MROH9: variants seen among roughly 807,000 people sequenced by gnomAD.
MROH9 encodes the protein maestro heat like repeat family member 9, also known as maestro heat-like repeat-containing protein family member 9.
Under a neutral mutation model 98.2 loss-of-function variants are expected in MROH9, and 92 were observed. That is an observed-to-expected ratio of 0.94 (90% CI 0.79 to 1.11). The LOEUF is 1.11. Ranked by LOEUF, MROH9 falls within the 50% of genes most tolerant of loss-of-function variation. The pLI, the probability that MROH9 is intolerant of heterozygous loss-of-function variation, is 0.00. For missense variants in MROH9, 1,057 were observed against 1,014.8 expected, an observed-to-expected ratio of 1.04 and a Z score of -0.57; for synonymous variants, 397 against 368.9, an observed-to-expected ratio of 1.08 and a Z score of -0.87.
At chr1:170,950,988 CT>C (rs572424585) in intron 3 of MROH9, among the ~76,000 whole-genome samples, 3 of 151,894 alleles carry the variant, frequency 2.0e-5, no homozygotes, top group African/African-American at 7.3e-5. Flanking sequence ...GAAAATCCCT[CT>C]TTTTTTCCCT....
chr1:171,011,110 C>A lies in MROH9; in HGVS notation c.1597-3007C>A, dbSNP rs184515024. Among the ~76,000 whole-genome samples the A allele has an allele frequency of 3.6e-3, 550 of 151,994 alleles. 3 individuals are homozygous for A. The highest frequency in any genetic ancestry group is 0.01 in the Middle Eastern group (3 of 294). ...TACTTCATGAGTCCTTAGTGGTTCT[C>A]AAAATGAGAGAATGAGAAGAGAGAC... On this transcript the variant is annotated intron_variant, in intron 15 of 21. Coordinates refer to ENST00000367759, the MANE Select transcript of MROH9 (RefSeq NM_001163629.2).
chr1:170,957,529 T>TG (rs1649812004), intron 3 of MROH9, among the ~76,000 whole-genome samples: 1 of 152,182 alleles, frequency 6.6e-6, no homozygotes. Context: ...AATTTGTCTA[T>TG]GAGTCTGTTT....
At chr1:170,937,411 A>G (rs1220478651) in intron 1 of MROH9, among the ~76,000 whole-genome samples, 3 of 152,220 alleles carry the variant, frequency 2.0e-5, no homozygotes, top group Non-Finnish European at 4.4e-5. Flanking sequence ...AATATTTGGT[A>G]TCTAATATAT....
At chr1:171,012,725 G>C (rs764792612) in intron 15 of MROH9, among the ~76,000 whole-genome samples, 23 of 151,922 alleles carry the variant, frequency 1.5e-4, no homozygotes, top group Non-Finnish European at 2.6e-4. Context: ...GGATGGTCTC[G>C]ATCTTCTGAC....
chr1:171,037,062 T>C (rs1196882420), intron 20 of MROH9, among the ~76,000 whole-genome samples: 1 of 151,874 alleles, frequency 6.6e-6, no homozygotes, highest in Non-Finnish European at 1.5e-5. Flanking sequence ...TTTAAGTCCA[T>C]AGGTAGGATA....
chr1:171,052,034 C>A (rs983107227), intron 20 of MROH9, among the ~76,000 whole-genome samples: 7 of 146,442 alleles, frequency 4.8e-5, no homozygotes, highest in Non-Finnish European at 7.5e-5. Context: ...GGTCTTGGAC[C>A]TTTTTTTTTT....
chr1:170,981,090 T>A (rs550046434), intron 8 of MROH9, among the ~76,000 whole-genome samples: 23 of 152,144 alleles, frequency 1.5e-4, no homozygotes, highest in Admixed American at 3.3e-4. Flanking sequence ...CCAGTCAGAA[T>A]GGTGATTATT....
At chr1:170,960,133 C>T (rs1429012170) in intron 5 of MROH9, among the ~76,000 whole-genome samples, 1 of 152,192 alleles carries the variant, frequency 6.6e-6, no homozygotes, top group East Asian at 1.9e-4. Context: ...AGCTTCTATA[C>T]ACATCTCAGA....
Position 171,044,972 on chromosome 1 carries a change from C to CTTTTTTTTTTTTTTTTTTTTTTTTTTTT in MROH9, c.2282-17140_2282-17113dup, listed in dbSNP as rs754332732. 3.7e-4 allele frequency among the ~76,000 whole-genome samples: 17 copies of CTTTTTTTTTTTTTTTTTTTTTTTTTTTT among 45,712 alleles called. 5 individuals are homozygous for CTTTTTTTTTTTTTTTTTTTTTTTTTTTT. Among genetic ancestry groups the CTTTTTTTTTTTTTTTTTTTTTTTTTTTT allele is most frequent in the African/African-American group, 5.5e-4 (8 of 14,524 alleles). 30.0% of individuals were successfully genotyped at this position (45,712 alleles called of 152,430 possible). On this transcript the variant is annotated intron_variant, in intron 20 of 21. Transcript: ENST00000367759. ...CAATTCCATTTATTTCTGCTCTGAT[C>CTTTTTTTTTTTTTTTTTTTTTTTTTTTT]TTTTTTTTTTTTTTTTTTTTTTTTT...
At chr1:170,999,289 T>G (rs1425742968) in intron 15 of MROH9, among the ~76,000 whole-genome samples, 1 of 152,058 alleles carries the variant, frequency 6.6e-6, no homozygotes, top group African/African-American at 2.4e-5. Context: ...CTGCACAATA[T>G]TTGTAGTCTG....
chr1:171,011,835 T>C (rs916402050), intron 15 of MROH9, among the ~76,000 whole-genome samples: 2 of 152,162 alleles, frequency 1.3e-5, no homozygotes, highest in African/African-American at 4.8e-5. Context: ...TTTATCTTAA[T>C]AGGATTTTTT....
chr1:170,982,903 CA>C (rs1179496927), intron 8 of MROH9, among the ~76,000 whole-genome samples: 1 of 151,936 alleles, frequency 6.6e-6, no homozygotes, highest in East Asian at 1.9e-4. Flanking sequence ...TCAAAAAAGA[CA>C]AAAAACAAAA....
At chr1:170,989,415 C>T (rs534202134) in intron 10 of MROH9, among the ~76,000 whole-genome samples, 1 of 152,290 alleles carries the variant, frequency 6.6e-6, no homozygotes, top group East Asian at 1.9e-4. Context: ...GTCATTCCTC[C>T]AATACATGGT....
At chr1:170,938,606 A>G (rs1170065246) in intron 1 of MROH9, among the ~76,000 whole-genome samples, 2 of 152,220 alleles carry the variant, frequency 1.3e-5, no homozygotes, top group Non-Finnish European at 2.9e-5. Context: ...TTTGGCTGTG[A>G]AGTGAGTTCC....
chr1:170,980,549 G>T (rs959425396), intron 8 of MROH9, among the ~76,000 whole-genome samples: 1 of 152,172 alleles, frequency 6.6e-6, no homozygotes, highest in Non-Finnish European at 1.5e-5. Flanking sequence ...AATGGTGCTG[G>T]AAAAACTGTC....
chr1:171,038,169 TCTCA>T (rs1275823539), intron 20 of MROH9, among the ~76,000 whole-genome samples: 3 of 152,026 alleles, frequency 2.0e-5, no homozygotes, highest in Non-Finnish European at 4.4e-5. Context: ...TATCATGAAT[TCTCA>T]CTGTCTAAAG....
chr1:170,940,494 G>C (rs986761110), intron 1 of MROH9, among the ~76,000 whole-genome samples: 1 of 152,184 alleles, frequency 6.6e-6, no homozygotes, highest in Non-Finnish European at 1.5e-5. Context: ...AAGGTGTATT[G>C]CTGGCCTTTC....
rs555102277 is a variant in MROH9, at chr1:171,018,787, G to A, written c.1908+2451G>A. The stretch of plus-strand genomic sequence containing the variant: ...AAGTATCAATAGCTGAATCGATGAA[G>A]CAGAAGAAACGATATCAGAGTTTGA... On this transcript the variant is annotated intron_variant, in intron 17 of 21. Coordinates refer to ENST00000367759, the MANE Select transcript of MROH9 (RefSeq NM_001163629.2). Among the ~76,000 whole-genome samples the A allele has an allele frequency of 1.1e-3, 168 of 152,296 alleles. 2 individuals carry two copies. The highest frequency in any genetic ancestry group is 4.9e-4 in the Non-Finnish European group (33 of 68,032).
chr1:170,959,364 G>A, intron 4 of MROH9, 98 bp from the exon 5 acceptor site: 1 of 1,081,480 alleles, frequency 9.2e-7, no homozygotes, highest in Non-Finnish European at 1.3e-6. Context: ...GACAGAGCGA[G>A]ACTCTGTCTC....
Sources: gnomAD v4.1 joint callset for allele counts (sites outside exome capture counted in the v4.1 genomes callset) on GRCh38, gnomAD v4.1.1 for gene constraint, MANE v1.5 for transcripts, NCBI Gene and HGNC (gene_info 2026-07-23, HGNC 2026-07-21) for gene names.